The following RELCH variants were observed in gnomAD, a reference collection of about 807,000 sequenced individuals.
RELCH encodes RAB11 binding and LisH domain, coiled-coil and HEAT repeat containing.
Under a neutral mutation model 150.3 loss-of-function variants are expected in RELCH, and 41 were observed. The ratio of observed to expected loss-of-function variants is 0.27; its 90% CI spans 0.21 to 0.35. The LOEUF (loss-of-function observed/expected upper bound fraction) is 0.35, where lower values mean the gene tolerates loss of function less well. Ranked by LOEUF, RELCH falls within the 10% of genes least tolerant of loss-of-function variation. RELCH has a pLI of 1.00. For missense variants in RELCH, 1,092 were observed against 1,467.8 expected, an observed-to-expected ratio of 0.74 and a Z score of 4.18; for synonymous variants, 478 against 531.8, an observed-to-expected ratio of 0.90 and a Z score of 1.39.
intron 26 of RELCH, among the ~76,000 whole-genome samples, chr18:62,290,917 G>A (rs919373693): frequency 2.6e-5 from 4 of 151,944 alleles, no homozygotes; most frequent in Non-Finnish European, 5.9e-5. Flanking sequence ...TTCTTTTACC[G>A]GTCTTTTGAT....
intron 8 of RELCH, 108 bp from the exon 9 acceptor site, chr18:62,231,086 G>A: frequency 2.8e-6 from 2 of 712,654 alleles, no homozygotes; most frequent in Non-Finnish European, 4.7e-6. Context: ...TAGCTTTGTG[G>A]GGTAGGATTA....
At chr18:62,267,837 A>G (rs910228268) in intron 19 of RELCH, among the ~76,000 whole-genome samples, 3 of 152,030 alleles carry the variant, frequency 2.0e-5, no homozygotes, top group Non-Finnish European at 4.4e-5. Flanking sequence ...TTAGTTAGCC[A>G]TGAATGTTTA....
intron 11 of RELCH, among the ~76,000 whole-genome samples, chr18:62,251,988 ATTTTTTCT>A (rs2042728208): frequency 1.3e-5 from 2 of 151,468 alleles, no homozygotes; most frequent in Non-Finnish European, 2.9e-5. Flanking sequence ...GCAAGGTATA[ATTTTTTCT>A]TTTTTTCTTT....
chr18:62,253,424 A>G (rs1427956279), intron 12 of RELCH, among the ~76,000 whole-genome samples: 1 of 151,892 alleles, frequency 6.6e-6, no homozygotes, highest in Non-Finnish European at 1.5e-5. Context: ...ACTAACAATG[A>G]TTTTGCTTTT....
At chr18:62,261,175 T>C (rs2043252093) in intron 15 of RELCH, among the ~76,000 whole-genome samples, 1 of 152,018 alleles carries the variant, frequency 6.6e-6, no homozygotes, top group Non-Finnish European at 1.5e-5. Flanking sequence ...CAATTATTTA[T>C]GTATCAATTC....
At chr18:62,292,894 G>A (rs1600266827) in intron 27 of RELCH, among the ~76,000 whole-genome samples, 3 of 152,202 alleles carry the variant, frequency 2.0e-5, no homozygotes, top group African/African-American at 7.2e-5. Context: ...GCTCTCTACT[G>A]TTGTTTCTCA....
rs1343243887 is a variant in RELCH, at chr18:62,309,291, A to C, written c.*3757A>C. 1.3e-5 allele frequency: 2 copies of C among 152,048 alleles called. No homozygotes were observed. Among genetic ancestry groups the C allele is most frequent in the African/African-American group, 4.8e-5 (2 of 41,432 alleles). The allele number at this position is 152,048 out of a possible 1,614,324, so 9.4% of individuals were successfully genotyped here. ...CTAATCAAAAATAATGTATCAGGTA[A>C]GTTTCTGCATATTGGTAAAAAAATT... On this transcript the variant is annotated 3_prime_UTR_variant, in exon 29 of 29. Coordinates refer to ENST00000644646, the MANE Select transcript of RELCH (RefSeq NM_001346231.2).
At chr18:62,232,121 C>G (rs959994625) in intron 9 of RELCH, among the ~76,000 whole-genome samples, 1 of 151,858 alleles carries the variant, frequency 6.6e-6, no homozygotes, top group Non-Finnish European at 1.5e-5. Context: ...CTGTTTCTAG[C>G]CCAAAGAAAT....
intron 2 of RELCH, among the ~76,000 whole-genome samples, chr18:62,212,121 G>C (rs916669851): frequency 6.6e-6 from 1 of 152,208 alleles, no homozygotes; most frequent in Non-Finnish European, 1.5e-5. Context: ...CAGAGGATCA[G>C]TTTGTACCCT....
intron 2 of RELCH, among the ~76,000 whole-genome samples, chr18:62,216,154 C>T (rs1396087781): frequency 6.6e-6 from 1 of 151,854 alleles, no homozygotes; most frequent in Non-Finnish European, 1.5e-5. Flanking sequence ...TTCTAAATAT[C>T]GAGATAGCCA....
At chr18:62,220,774 A>T (rs2040816864) in intron 2 of RELCH, 1 of 434,086 alleles carries the variant, frequency 2.3e-6, no homozygotes, top group African/African-American at 2.1e-5. Flanking sequence ...TTTATTTTTA[A>T]ATAGAGCTAT....
chr18:62,215,220 C>A (rs2148335597), intron 2 of RELCH, among the ~76,000 whole-genome samples: 1 of 152,240 alleles, frequency 6.6e-6, no homozygotes, highest in African/African-American at 2.4e-5. Flanking sequence ...AAATAAGCTT[C>A]TGTAGGATAA....
Position 62,264,323 on chromosome 18 carries a change from T to C in RELCH, c.2507+178T>C, listed in dbSNP as rs193269009. Among the ~76,000 whole-genome samples, 4 of 152,220 alleles carry C rather than the reference T, an allele frequency of 2.6e-5. No individual in the cohort carries two copies. The East Asian group carries it at 7.7e-4, about 29-fold the overall frequency. ...ATGTAATTTATCTGAGAAGAAGATG[T>C]TGCTGTATTTTATCCGAATGATCTA... On this transcript the variant is annotated intron_variant, in intron 17 of 28. Transcript: ENST00000644646.
chr18:62,200,535 T>C (rs1187017748), intron 1 of RELCH, among the ~76,000 whole-genome samples: 1 of 151,964 alleles, frequency 6.6e-6, no homozygotes, highest in Non-Finnish European at 1.5e-5. Flanking sequence ...AGTGCCGCAG[T>C]TGCTAAAAGT....
chr18:62,248,836 G>A (rs757486861), intron 11 of RELCH, among the ~76,000 whole-genome samples: 2 of 152,202 alleles, frequency 1.3e-5, no homozygotes, highest in Non-Finnish European at 2.9e-5. Flanking sequence ...TCTACTCAGA[G>A]TGATGAGGAG....
At chr18:62,204,068 C>CA (rs2039626052) in intron 1 of RELCH, among the ~76,000 whole-genome samples, 1 of 151,916 alleles carries the variant, frequency 6.6e-6, no homozygotes, top group African/African-American at 2.4e-5. Flanking sequence ...GGGGAAAATT[C>CA]AAAAAACAAT....
intron 1 of RELCH, 125 bp downstream of exon 1, chr18:62,188,156 G>GT: frequency 8.9e-7 from 1 of 1,124,530 alleles, no homozygotes; most frequent in East Asian, 2.6e-5. Flanking sequence ...GAGTATTGGG[G>GT]TGGGGGCGCT....
In RELCH at chr18:62,195,219, T is replaced by C. The variant is rs556801146; in HGVS notation, c.526+7188T>C. ...ATCGTTGTAATGTTCCTACTAAATT[T>C]ACATGATGAACCAATTAGATCTTTT... is the stretch of plus-strand genomic sequence containing the variant. On this transcript the variant is annotated intron_variant, in intron 1 of 28. Transcript: ENST00000644646. Among the ~76,000 whole-genome samples the C allele has an allele frequency of 7.9e-5, 12 of 152,314 alleles. No individual in the cohort carries two copies. The South Asian group carries it at 2.5e-3, about 32-fold the overall frequency.
Position 62,280,247 on chromosome 18 carries a change from T to C in RELCH, c.3050+391T>C, listed in dbSNP as rs562618076. 9.8e-5 allele frequency: 79 copies of C among 802,742 alleles called. No homozygotes were observed. In the South Asian group the frequency reaches 1.1e-3, roughly 11 times the overall value. 49.7% of individuals were successfully genotyped at this position (802,742 alleles called of 1,614,324 possible). The stretch of plus-strand genomic sequence containing the variant: ...CTAACATTTTAATGTCTCGTGTGGA[T>C]GACTAAACCAAGAAAGGCCAATGAG... On this transcript the variant is annotated intron_variant, in intron 23 of 28. Transcript: ENST00000644646.
Sources: allele counts gnomAD v4.1 joint callset (sites outside exome capture counted in the v4.1 genomes callset), GRCh38; gene constraint gnomAD v4.1.1; transcripts MANE v1.5; gene names NCBI Gene and HGNC (gene_info 2026-07-23, HGNC 2026-07-21).